The following CORO7 variants were observed in gnomAD, a reference collection of about 807,000 sequenced individuals.
CORO7 encodes the protein coronin 7.
A neutral mutation model predicts 126.6 loss-of-function variants in CORO7; 107 were observed. The ratio of observed to expected loss-of-function variants is 0.85; its 90% confidence interval spans 0.72 to 0.99. The LOEUF is 0.99. Among genes scored for constraint, CORO7 ranks in the 50% least tolerant of loss-of-function variants. The pLI is 0.00. For synonymous variants in CORO7, 603 were observed against 536.8 expected (o/e 1.12, Z -1.70); for missense variants, 1,314 against 1,255.8 (o/e 1.05, Z -0.70).
intron 6 of CORO7, among the ~76,000 whole-genome samples, chr16:4,403,497 C>G (rs886746299): frequency 2.0e-5 from 3 of 152,124 alleles, no homozygotes; most frequent in Admixed American, 2.0e-4. Flanking sequence ...CACTAAGCAT[C>G]ACTCCCACGA....
At chr16:4,414,100 A>G in intron 1 of CORO7, among the ~76,000 whole-genome samples, 1 of 151,462 alleles carries the variant, frequency 6.6e-6, no homozygotes, top group Non-Finnish European at 1.5e-5. Flanking sequence ...CTGAGGGAGG[A>G]GAATCACTTG....
Position 4,359,345 on chromosome 16 carries a change from G to C in CORO7, c.2291C>G (p.Ser764Cys). ...RVFLYELLPE[S>C]PFFLECNSFT... Reference sequence around the variant, plus strand: ...GCTGTTGCACTCCAGGAAGAAAGGGGACTCGGGGAGCAGCTCGTACAGGAA... The same window carrying C: ...GCTGTTGCACTCCAGGAAGAAAGGGCACTCGGGGAGCAGCTCGTACAGGAA... Residue 764 changes from serine to cysteine, a missense_variant, in exon 23 of 28, where the codon TCC (serine) becomes TGC (cysteine). Coordinates refer to ENST00000251166, the MANE Select transcript of CORO7 (RefSeq NM_024535.5). 1.2e-6 allele frequency: 2 copies of C among 1,613,144 alleles called. No individual in the cohort carries two copies. The highest frequency in any genetic ancestry group is 1.7e-6 in the Non-Finnish European group (2 of 1,179,796).
At chr16:4,387,604 T>C (rs983524896) in intron 9 of CORO7, among the ~76,000 whole-genome samples, 1 of 115,008 alleles carries the variant, frequency 8.7e-6, no homozygotes, top group Admixed American at 1.1e-4. Flanking sequence ...CACCCTCCTA[T>C]CATAGCCTGG....
In CORO7 at chr16:4,359,532, G is replaced by A. The variant is rs760891363; in HGVS notation, c.2198C>T (p.Thr733Ile). The change falls in exon 22 of 28, where the codon ACC becomes ATC. Residue 733 changes from threonine (T) to isoleucine (I), a missense_variant. Physicochemically the swap from Thr to Ile is moderately conservative, Grantham distance 89. Coordinates refer to ENST00000251166, the MANE Select transcript of CORO7 (RefSeq NM_024535.5). ...AVLGLDVAPS[T>I]LLPSYDPDTG... ...GTCTGGGTCGTAGCTGGGCAGCAGG[G>A]TTGAGGGAGCCACGTCCAGGCCCAA... The A allele has an allele frequency of 2.5e-6, 4 of 1,613,360 alleles. No individual in the cohort carries two copies. In the Admixed American group the frequency reaches 6.7e-5, roughly 27 times the overall value.
Position 4,361,032 on chromosome 16 carries a change from G to A in CORO7, c.1828C>T (p.Leu610=), listed in dbSNP as rs1204894400. 1.2e-6 allele frequency: 2 copies of A among 1,613,364 alleles called. No individual in the cohort carries two copies. Among genetic ancestry groups the A allele is most frequent in the East Asian group, 4.5e-5 (2 of 44,880 alleles). Residue 610 remains leucine, a synonymous_variant, in exon 19 of 28, where the codon CTG becomes TTG. Transcript: ENST00000251166. ...GTGAGGTCATAGGAGGACGAGGCCA[G>A]CACATTGGCTGCCAGTGGGTGGAAG... The part of the protein sequence containing the change: ...LRFHPLAANV[L]ASSSYDLTVR...
At chr16:4,388,726 A>C (rs2141266308) in intron 7 of CORO7, 95 bp from the exon 8 acceptor site, 2 of 1,319,516 alleles carry the variant, frequency 1.5e-6, no homozygotes, top group East Asian at 2.5e-5. Context: ...TCTGCTGCCC[A>C]CCTGCCTGAA....
intron 3 of CORO7, among the ~76,000 whole-genome samples, chr16:4,411,632 T>A (rs1387401639): frequency 6.6e-6 from 1 of 152,000 alleles, no homozygotes; most frequent in Non-Finnish European, 1.5e-5. Flanking sequence ...TTTACTATTG[T>A]TATTAACCAC....
chr16:4,355,219 G>A, intron 27 of CORO7, 56 bp from the exon 28 acceptor site: 3 of 1,598,178 alleles, frequency 1.9e-6, no homozygotes, highest in Non-Finnish European at 2.6e-6. Context: ...GAAGGGAGGA[G>A]GCATGCACCG....
chr16:4,406,626 T>G (rs1179842310), intron 5 of CORO7, among the ~76,000 whole-genome samples: 1 of 150,498 alleles, frequency 6.6e-6, no homozygotes, highest in Non-Finnish European at 1.5e-5. Context: ...GGTTTTTTTG[T>G]TTTTTGTTTT....
intron 1 of CORO7, 115 bp from the exon 2 acceptor site, chr16:4,413,519 C>T (rs180803583): frequency 1.2e-5 from 10 of 867,482 alleles, no homozygotes; most frequent in East Asian, 3.0e-5. Flanking sequence ...CTGCACCATT[C>T]GAGATGCATT....
intron 24 of CORO7, 130 bp from the exon 25 acceptor site, chr16:4,358,233 T>C: frequency 6.5e-7 from 1 of 1,531,484 alleles, no homozygotes; most frequent in Non-Finnish European, 8.8e-7. Context: ...AGTTTCAGCA[T>C]CTCAGCAGAA....
At chr16:4,393,652 C>T (rs750436799) in intron 7 of CORO7, among the ~76,000 whole-genome samples, 2 of 152,046 alleles carry the variant, frequency 1.3e-5, no homozygotes, top group Non-Finnish European at 2.9e-5. Context: ...CCCTTGACCC[C>T]GGGTGGGGAA....
Position 4,365,517 on chromosome 16 carries a change from A to G in CORO7, c.814T>C (p.Ser272Pro). 1 of 1,580,210 alleles carries G rather than the reference A, an allele frequency of 6.3e-7. No individual in the cohort carries two copies. Reference sequence around the variant, plus strand: ...TTTCCTGCCAGGACCAGGAGCCCAGAGTCAGGGTCCAGCAGAGGCACGAGA... The same window carrying G: ...TTTCCTGCCAGGACCAGGAGCCCAGGGTCAGGGTCCAGCAGAGGCACGAGA... ...GCLVPLLDPD[S>P]GLLVLAGKGE... is the part of the protein sequence containing the mutation. Residue 272 changes from serine to proline, a missense_variant, in exon 10 of 28, where the codon TCT becomes CCT. By Grantham distance (74) the Ser-to-Pro change is moderately conservative. Coordinates refer to ENST00000251166, the MANE Select transcript of CORO7 (RefSeq NM_024535.5).
At chr16:4,414,947 C>T (rs1474519216) in intron 1 of CORO7, among the ~76,000 whole-genome samples, 3 of 152,112 alleles carry the variant, frequency 2.0e-5, no homozygotes, top group Non-Finnish European at 4.4e-5. Context: ...CTGCAACCTC[C>T]ACTTCCTCGG....
rs1296502563 is a variant in CORO7, at chr16:4,407,376, T to C, written c.487+125A>G. On this transcript the variant is annotated intron_variant, in intron 5 of 27. Coordinates refer to ENST00000251166, the MANE Select transcript of CORO7 (RefSeq NM_024535.5). ...GCCTCATAGAATCTTAAGACTTTTA[T>C]ACTATGTAAGTGTAAAACTTTGATA... is the stretch of plus-strand genomic sequence containing the variant. 3.6e-5 allele frequency: 40 copies of C among 1,119,198 alleles called. 1 individual carries two copies. The South Asian group carries it at 4.3e-4, about 12-fold the overall frequency. The allele number at this position is 1,119,198 out of a possible 1,614,324, so 69.3% of individuals were successfully genotyped here.
chr16:4,394,108 A>G (rs2055493337), intron 7 of CORO7, among the ~76,000 whole-genome samples: 1 of 151,954 alleles, frequency 6.6e-6, no homozygotes, highest in African/African-American at 2.4e-5. Flanking sequence ...CTCCCCACCC[A>G]AAAAAAGAAA....
rs1455386971 is a variant in CORO7, at chr16:4,364,288, A to G, written c.1263T>C (p.Asp421=). The part of the protein sequence containing the change: ...QPAVMETPVG[D]ADASEGFSSP... ...CCCTGGTACTTACGCTTGCGTCTGC[A>G]TCACCCACGGGTGTCTCCATCACCG... The change falls in exon 14 of 28, where the codon GAT becomes GAC. Residue 421 remains aspartate (D), a synonymous_variant. Transcript: ENST00000251166. The G allele has an allele frequency of 1.9e-6, 3 of 1,542,904 alleles. No homozygotes were observed. Among genetic ancestry groups the G allele is most frequent in the Non-Finnish European group, 1.7e-6 (2 of 1,147,328 alleles).
At chr16:4,382,975 CG>C (rs1832363542) in intron 9 of CORO7, 1 of 1,409,798 alleles carries the variant, frequency 7.1e-7, no homozygotes. Flanking sequence ...TGCCACACCA[CG>C]TAAGTTCTCA....
intron 7 of CORO7, among the ~76,000 whole-genome samples, chr16:4,388,900 C>G (rs1596316114): frequency 2.0e-5 from 3 of 152,300 alleles, no homozygotes; most frequent in South Asian, 2.1e-4. Context: ...TCCCTCCTAC[C>G]AAGGAGAGGG....
Sources: allele counts gnomAD v4.1 joint callset (sites outside exome capture counted in the v4.1 genomes callset), GRCh38; gene constraint gnomAD v4.1.1; transcripts MANE v1.5; gene names NCBI Gene and HGNC (gene_info 2026-07-23, HGNC 2026-07-21).